The following ATF7 variants were observed in gnomAD, a reference collection of about 807,000 sequenced individuals.
ATF7 encodes activating transcription factor 7.
A neutral mutation model predicts 50.4 loss-of-function variants in ATF7; 10 were observed. The observed-to-expected ratio is 0.20, with a 90% CI of 0.12 to 0.34. ATF7 has a LOEUF of 0.34. Ranked by LOEUF, ATF7 falls within the 10% of genes least tolerant of loss-of-function variation. ATF7 has a pLI of 1.00. For missense variants in ATF7, 465 were observed against 613.9 expected, an observed-to-expected ratio of 0.76 and a Z score of 2.56; for synonymous variants, 201 against 226.4, an observed-to-expected ratio of 0.89 and a Z score of 1.01.
chr12:53,621,466 G>A (rs1944374584), intron 1 of ATF7, among the ~76,000 whole-genome samples: 1 of 151,840 alleles, frequency 6.6e-6, no homozygotes, highest in African/African-American at 2.4e-5. Flanking sequence ...ATAATTACAG[G>A]GATAAATGTA....
At chr12:53,552,743 G>C (rs1353682490) in intron 2 of ATF7, 106 bp from the exon 3 acceptor site, 1 of 851,110 alleles carries the variant, frequency 1.2e-6, no homozygotes, top group Non-Finnish European at 1.9e-6. Context: ...TTGGTCCCTG[G>C]AAAGAAGAAC....
intron 2 of ATF7, among the ~76,000 whole-genome samples, chr12:53,561,299 A>G (rs1162112975): frequency 6.7e-6 from 1 of 148,342 alleles, no homozygotes; most frequent in Non-Finnish European, 1.5e-5. Flanking sequence ...ACTGCACTCC[A>G]GCCTGGTCAA....
chr12:53,518,868 AC>A (rs1439104880), intron 11 of ATF7, among the ~76,000 whole-genome samples: 1 of 145,298 alleles, frequency 6.9e-6, no homozygotes, highest in Non-Finnish European at 1.5e-5. Context: ...ACATGGTGAA[AC>A]CCCGTCTCTA....
At chr12:53,568,827 G>C (rs7956001) in intron 2 of ATF7, among the ~76,000 whole-genome samples, 1 of 151,958 alleles carries the variant, frequency 6.6e-6, no homozygotes, top group African/African-American at 2.4e-5. Context: ...ACAGACTAGA[G>C]GTCTACACTC....
intron 1 of ATF7, among the ~76,000 whole-genome samples, chr12:53,620,554 C>T (rs1300374577): frequency 8.2e-6 from 1 of 121,946 alleles, no homozygotes; most frequent in Non-Finnish European, 1.6e-5. Flanking sequence ...CCAGCCTGGG[C>T]GACAGAGCGA....
intron 2 of ATF7, among the ~76,000 whole-genome samples, chr12:53,583,264 G>A (rs1942522660): frequency 6.6e-6 from 1 of 152,182 alleles, no homozygotes; most frequent in South Asian, 2.1e-4. Context: ...TCTGCCTTCT[G>A]TCAGATCAGT....
intron 11 of ATF7, among the ~76,000 whole-genome samples, chr12:53,520,961 CCT>C (rs1045909099): frequency 2.0e-5 from 3 of 151,994 alleles, no homozygotes; most frequent in Non-Finnish European, 4.4e-5. Context: ...CCCTTGTACC[CCT>C]GATGTCCTGT....
chr12:53,566,126 T>C (rs1354628810), intron 2 of ATF7, among the ~76,000 whole-genome samples: 1 of 152,140 alleles, frequency 6.6e-6, no homozygotes, highest in Non-Finnish European at 1.5e-5. Context: ...TTACTTCCCA[T>C]TAGGTCCCTC....
In ATF7 at chr12:53,572,562, G is replaced by A. The variant is rs74479304; in HGVS notation, c.49-19925C>T. ...AGGGGAAATTTCTTGTGCTTTTGGC[G>A]GGGGGAAAGGGAAAAGTACAGTAGC... On this transcript the variant is annotated intron_variant, in intron 2 of 11. Transcript: ENST00000420353. Among the ~76,000 whole-genome samples, 1,186 of 152,150 alleles carry A rather than the reference G, an allele frequency of 7.8e-3. 8 individuals are homozygous for A. Among genetic ancestry groups the A allele is most frequent in the Middle Eastern group, 0.02 (6 of 294 alleles).
intron 2 of ATF7, among the ~76,000 whole-genome samples, chr12:53,587,837 ATATATATTTTT>A (rs1471444385): frequency 6.1e-5 from 3 of 49,282 alleles, no homozygotes; most frequent in South Asian, 3.7e-3. Context: ...ATATATATAT[ATATATATTTTT>A]TTTTTTTTTT....
At chr12:53,550,336 AAATAAAT>A (rs1565944442) in intron 3 of ATF7, among the ~76,000 whole-genome samples, 28 of 88,444 alleles carry the variant, frequency 3.2e-4, no homozygotes, top group African/African-American at 5.1e-4. Context: ...AAAAAAAAAT[AAATAAAT>A]AAATAAATAA....
chr12:53,553,417 G>A (rs1194808284), intron 2 of ATF7, among the ~76,000 whole-genome samples: 1 of 152,224 alleles, frequency 6.6e-6, no homozygotes, highest in African/African-American at 2.4e-5. Context: ...GGCAGGATGA[G>A]GGAAGAGAAA....
In ATF7 at chr12:53,531,738, A is replaced by G; in HGVS notation, c.927+6T>C. 2.5e-6 allele frequency: 4 copies of G among 1,609,276 alleles called. No homozygotes were observed. Among genetic ancestry groups the G allele is most frequent in the Non-Finnish European group, 2.5e-6 (3 of 1,178,014 alleles). On this transcript the variant is annotated splice_donor_region_variant and intron_variant, in intron 9 of 11. Coordinates refer to ENST00000420353, the MANE Select transcript of ATF7 (RefSeq NM_006856.3). Reference sequence around the variant, plus strand: ...AGATATGACATAAAGAGTAAGAGCCACTGACCTGTGGCTGGGCAGGGGATG... The same window carrying G: ...AGATATGACATAAAGAGTAAGAGCCGCTGACCTGTGGCTGGGCAGGGGATG...
At chr12:53,543,093 G>A in intron 4 of ATF7, 2 of 1,394,024 alleles carry the variant, frequency 1.4e-6, no homozygotes, top group South Asian at 1.8e-5. Context: ...ATACTCCCCT[G>A]GAAGAACAAG....
chr12:53,524,712 G>A lies in ATF7; in HGVS notation c.977C>T (p.Thr326Ile). Residue 326 changes from threonine to isoleucine, a missense_variant, in exon 10 of 12, where the codon ACA becomes ATA. By Grantham distance (89) the Thr-to-Ile change is moderately conservative. Coordinates refer to ENST00000420353, the MANE Select transcript of ATF7 (RefSeq NM_006856.3). The surrounding 1 kb of genome is among the most constrained non-coding windows in gnomAD (Gnocchi z 4.6). ...TPSTGGRRRR[T>I]VDEDPDERRQ... ...TCGCTCATCTGGATCTTCATCTACTGTGCGCCGCCGTCGCCCCCCAGTACT... is the reference window on the plus strand; with the variant it reads ...TCGCTCATCTGGATCTTCATCTACTATGCGCCGCCGTCGCCCCCCAGTACT... 6.2e-7 allele frequency: 1 copy of A among 1,612,760 alleles called. No individual in the cohort carries two copies. Among genetic ancestry groups the A allele is most frequent in the Non-Finnish European group, 8.5e-7 (1 of 1,179,688 alleles).
chr12:53,558,730 A>G lies in ATF7; in HGVS notation c.49-6093T>C, dbSNP rs533718304. Among the ~76,000 whole-genome samples the G allele has an allele frequency of 2.0e-5, 3 of 152,366 alleles. No homozygotes were observed. The South Asian group carries it at 6.2e-4, about 32-fold the overall frequency. ...TGAAGAAAAAAAGTAGCAAGAAAGA[A>G]GATTCTTTTCATTTAAGAAATACTA... On this transcript the variant is annotated intron_variant, in intron 2 of 11. Transcript: ENST00000420353.
chr12:53,619,424 T>C (rs1368975199), intron 1 of ATF7, among the ~76,000 whole-genome samples: 2 of 148,554 alleles, frequency 1.3e-5, no homozygotes, highest in African/African-American at 5.0e-5. Flanking sequence ...GAGGCAGAAG[T>C]TGCAGTGAGC....
intron 2 of ATF7, chr12:53,574,526 T>C (rs1169403857): frequency 2.6e-5 from 4 of 152,928 alleles, no homozygotes; most frequent in African/African-American, 9.6e-5. Flanking sequence ...ACTGGTCTTT[T>C]CCAGTCAACA....
chr12:53,555,135 C>T (rs1385532831), intron 2 of ATF7, among the ~76,000 whole-genome samples: 1 of 151,858 alleles, frequency 6.6e-6, no homozygotes, highest in Non-Finnish European at 1.5e-5. Context: ...GACTGGCCAA[C>T]ATGATGAAAC....
Sources: gnomAD v4.1 joint callset for allele counts (sites outside exome capture counted in the v4.1 genomes callset) on GRCh38, gnomAD v4.1.1 for gene constraint, Gnocchi (gnomAD v3.1) non-coding constraint, MANE v1.5 for transcripts, NCBI Gene and HGNC (gene_info 2026-07-23, HGNC 2026-07-21) for gene names.